PIEZO2: variants seen among roughly 807,000 people sequenced by gnomAD.
PIEZO2 encodes the protein piezo type mechanosensitive ion channel component 2.
PIEZO2 carries 172 observed loss-of-function variants against 337.3 expected under a neutral mutation model. That is an observed-to-expected ratio of 0.51 (90% CI 0.45 to 0.58). PIEZO2 has a LOEUF of 0.58. Ranked by LOEUF, PIEZO2 falls within the 20% of genes least tolerant of loss-of-function variation. The probability of loss-of-function intolerance (pLI) is 0.00; values close to 1 mark genes in which losing one functional copy is unlikely to be tolerated. For missense variants in PIEZO2, 3,028 were observed against 3,391.3 expected (o/e 0.89, Z 2.66); for synonymous variants, 1,251 against 1,228.5 (o/e 1.02, Z -0.38).
chr18:10,890,524 CAGA>C (rs2042724914), intron 4 of PIEZO2: 1 of 152,340 alleles, frequency 6.6e-6, no homozygotes, highest in East Asian at 1.9e-4. Context: ...AAAATCATGG[CAGA>C]AGAAGAAGCA....
chr18:11,148,577 T>A lies in PIEZO2; in HGVS notation c.12A>T (p.Glu4Asp), dbSNP rs2040869213. 2 of 1,537,092 alleles carry A rather than the reference T, an allele frequency of 1.3e-6. No individual in the cohort carries two copies. The highest frequency in any genetic ancestry group is 1.4e-5 in the African/African-American group (1 of 73,160). ...GCCTGAAGATGAGCCCGCACACCAC[T>A]TCTGAGGCCATCGCGTCGGTCCGGC... MASEVVCGLIFRLL... is the reference protein window; with the variant it reads MASDVVCGLIFRLL... Residue 4 changes from glutamate (E) to aspartate (D), a missense_variant, in exon 1 of 56, where the codon GAA becomes GAT. Physicochemically the swap from Glu to Asp is conservative, Grantham distance 45. Transcript: ENST00000674853. The surrounding 1 kb of genome is among the most constrained non-coding windows in gnomAD (Gnocchi z 5.2).
At chr18:10,978,434 A>G (rs1281184330) in intron 3 of PIEZO2, among the ~76,000 whole-genome samples, 2 of 152,208 alleles carry the variant, frequency 1.3e-5, no homozygotes, top group Admixed American at 1.3e-4. Context: ...AATTTTTAGA[A>G]AACAACATAC....
rs12967583 is a variant in PIEZO2, at chr18:11,143,726, G to A, written c.64+4799C>T. ...TAGGAAGGCACTAAGTTGCCTTCCC[G>A]TGAATCCCACATCCTCAGATCAGCC... On this transcript the variant is annotated intron_variant, in intron 1 of 55. Coordinates refer to ENST00000674853, the MANE Select transcript of PIEZO2 (RefSeq NM_001378183.1). The surrounding 1 kb of genome is among the most constrained non-coding windows in gnomAD (Gnocchi z 4.9). Among the ~76,000 whole-genome samples the A allele has an allele frequency of 0.25, 37,037 of 150,516 alleles. 5,282 individuals carry two copies. The highest frequency in any genetic ancestry group is 0.39 in the Middle Eastern group (112 of 290).
At chr18:11,022,563 T>C (rs1306098288) in intron 2 of PIEZO2, among the ~76,000 whole-genome samples, 2 of 152,190 alleles carry the variant, frequency 1.3e-5, no homozygotes, top group African/African-American at 4.8e-5. Flanking sequence ...ACATCCTTGG[T>C]GTCTTCCTCC....
chr18:10,820,383 A>C (rs2040487508), intron 7 of PIEZO2, among the ~76,000 whole-genome samples: 1 of 149,914 alleles, frequency 6.7e-6, no homozygotes, highest in African/African-American at 2.5e-5. Context: ...CTTGTGCTTC[A>C]ATTTGGGTAG....
At position 10,795,319 on chromosome 18, in the gene PIEZO2, T is replaced by G; in HGVS notation, c.1528-317A>C. On this transcript the variant is annotated intron_variant, in intron 12 of 55. Coordinates refer to ENST00000674853, the MANE Select transcript of PIEZO2 (RefSeq NM_001378183.1). This position sits in a 1 kb window ranked among gnomAD's most constrained non-coding sequence, Gnocchi z 4.4. Reference sequence around the variant, plus strand: ...GTAGCAAAATGTGTATTCAAATATTTTATTTTATTTTATTTTATTTTATTT... The same window carrying G: ...GTAGCAAAATGTGTATTCAAATATTGTATTTTATTTTATTTTATTTTATTT... Among the ~76,000 whole-genome samples the G allele has an allele frequency of 7.5e-5, 1 of 13,306 alleles. No individual in the cohort carries two copies. Among genetic ancestry groups the G allele is most frequent in the South Asian group, 2.9e-3 (1 of 348 alleles). The allele number at this position is 13,306 out of a possible 152,430, so 8.7% of individuals were successfully genotyped here. A position where few individuals can be genotyped will look rare whatever the true frequency, so the allele number is the denominator to read the frequency against.
chr18:11,084,196 AAAAGAC>A (rs1288110016), intron 1 of PIEZO2, among the ~76,000 whole-genome samples: 2 of 150,760 alleles, frequency 1.3e-5, no homozygotes, highest in African/African-American at 2.4e-5. Flanking sequence ...AAAAAAAAAA[AAAAGAC>A]AGAGAGAGAG....
chr18:10,833,876 C>T lies in PIEZO2; in HGVS notation c.917+21477G>A, dbSNP rs906750758. ...TGCCCTTGTCAACACAGGCTTGGCC[C>T]TGGACCACATTCCTCCTAATCCTTG... On this transcript the variant is annotated intron_variant, in intron 7 of 55. Transcript: ENST00000674853. This position sits in a 1 kb window ranked among gnomAD's most constrained non-coding sequence, Gnocchi z 4.7. Among the ~76,000 whole-genome samples, 9 of 152,260 alleles carry T rather than the reference C, an allele frequency of 5.9e-5. No individual in the cohort carries two copies. Among genetic ancestry groups the T allele is most frequent in the African/African-American group, 2.2e-4 (9 of 41,464 alleles).
chr18:10,702,093 G>C lies in PIEZO2; in HGVS notation c.6337C>G (p.Pro2113Ala), dbSNP rs2035366096. 6.5e-7 allele frequency: 1 copy of C among 1,536,814 alleles called. No homozygotes were observed. Among genetic ancestry groups the C allele is most frequent in the African/African-American group, 1.4e-5 (1 of 73,006 alleles). ...CCTATGATGTTTGGGGGGTGATACG[G>C]TTTATCTTTGTTCACCTCCACATTC... ...NKNVEVNKDKPYHPPNIIGVE... is the reference protein window; with the variant it reads ...NKNVEVNKDKAYHPPNIIGVE... Residue 2113 changes from proline (P) to alanine (A), a missense_variant, in exon 43 of 56, where the codon CCG becomes GCG. Pro to Ala is a conservative substitution (Grantham distance 27). Coordinates refer to ENST00000674853, the MANE Select transcript of PIEZO2 (RefSeq NM_001378183.1).
intron 2 of PIEZO2, among the ~76,000 whole-genome samples, chr18:11,044,105 T>C (rs928037880): frequency 2.6e-5 from 4 of 151,558 alleles, no homozygotes; most frequent in Non-Finnish European, 5.9e-5. Context: ...AATCCAAAAT[T>C]GAGATAAAAA....
rs544290287 is a variant in PIEZO2 at position 10,813,844 on chromosome 18, T to A, written c.918-6570A>T. On this transcript the variant is annotated intron_variant, in intron 7 of 55. Transcript: ENST00000674853. This position sits in a 1 kb window ranked among gnomAD's most constrained non-coding sequence, Gnocchi z 4.2. ...GAACTGGTATACTGTTTTCCATCAG[T>A]GCTGCCCGATTTTACATTCCCACCA... Among the ~76,000 whole-genome samples the A allele has an allele frequency of 6.6e-6, 1 of 152,340 alleles. No homozygotes were observed. Among genetic ancestry groups the A allele is most frequent in the South Asian group, 2.1e-4 (1 of 4,832 alleles).
Position 10,775,232 on chromosome 18 carries a change from T to C in PIEZO2, c.2535-1194A>G, listed in dbSNP as rs2038742584. On this transcript the variant is annotated intron_variant, in intron 18 of 55. Coordinates refer to ENST00000674853, the MANE Select transcript of PIEZO2 (RefSeq NM_001378183.1). The surrounding 1 kb of genome is among the most constrained non-coding windows in gnomAD (Gnocchi z 4.3). ...GCTAGTCAATTCATCCTCTCGACTT[T>C]GGAGAAGTTAGCTACTCTTAAAATT... 6.6e-6 allele frequency among the ~76,000 whole-genome samples: 1 copy of C among 152,226 alleles called. No homozygotes were observed. Among genetic ancestry groups the C allele is most frequent in the Non-Finnish European group, 1.5e-5 (1 of 68,046 alleles).
At position 10,833,711 on chromosome 18, in the gene PIEZO2, A is replaced by T. The variant is rs1323641053; in HGVS notation, c.917+21642T>A. Among the ~76,000 whole-genome samples, 1 of 152,158 alleles carries T rather than the reference A, an allele frequency of 6.6e-6. No homozygotes were observed. Among genetic ancestry groups the T allele is most frequent in the Non-Finnish European group, 1.5e-5 (1 of 68,018 alleles). On this transcript the variant is annotated intron_variant, in intron 7 of 55. Coordinates refer to ENST00000674853, the MANE Select transcript of PIEZO2 (RefSeq NM_001378183.1). The surrounding 1 kb of genome is among the most constrained non-coding windows in gnomAD (Gnocchi z 4.7). ...GCTTCTCATATCTCTCTGGAGAGAC[A>T]CTTTCTTCTTTCTAGTCAGCTTTGG...
chr18:10,849,016 CTTTT>C (rs200983956), intron 7 of PIEZO2, among the ~76,000 whole-genome samples: 5 of 151,792 alleles, frequency 3.3e-5, no homozygotes, highest in African/African-American at 1.2e-4. Flanking sequence ...CCAAGGATTC[CTTTT>C]TTTTGAGACA....
rs2037509063 is a variant in PIEZO2 at position 10,748,358 on chromosome 18, G to T, written c.4424+113C>A. On this transcript the variant is annotated intron_variant, in intron 30 of 55. Transcript: ENST00000674853. This position sits in a 1 kb window ranked among gnomAD's most constrained non-coding sequence, Gnocchi z 5.1. Reference sequence around the variant, plus strand: ...TTCTTGGATTGGTTTTGCTGGAAGGGATTTCTTAACTTCTTGTGGGTTCTA... The same window carrying T: ...TTCTTGGATTGGTTTTGCTGGAAGGTATTTCTTAACTTCTTGTGGGTTCTA... 25 of 1,057,092 alleles carry T rather than the reference G, an allele frequency of 2.4e-5. No homozygotes were observed. The highest frequency in any genetic ancestry group is 3.4e-5 in the Non-Finnish European group (25 of 744,504). 65.5% of individuals were successfully genotyped at this position (1,057,092 alleles called of 1,614,324 possible).
In PIEZO2 at chr18:10,697,899, C is replaced by CATA; in HGVS notation, c.6695-22_6695-20dup. ...GTGCTGCCTAGAAATAAAAAGAGAT[C>CATA]ATAAGATGGGTGGTGGAGCCTGGGG... On this transcript the variant is annotated intron_variant, in intron 44 of 55. Coordinates refer to ENST00000674853, the MANE Select transcript of PIEZO2 (RefSeq NM_001378183.1). 6.3e-7 allele frequency: 1 copy of CATA among 1,595,130 alleles called. No homozygotes were observed. The highest frequency in any genetic ancestry group is 8.6e-7 in the Non-Finnish European group (1 of 1,168,958).
At chr18:11,079,067 A>G (rs1255520338) in intron 1 of PIEZO2, among the ~76,000 whole-genome samples, 3 of 152,188 alleles carry the variant, frequency 2.0e-5, no homozygotes, top group African/African-American at 7.2e-5. Flanking sequence ...TGAGCTCACT[A>G]TAGGTGTTTC....
intron 1 of PIEZO2, among the ~76,000 whole-genome samples, chr18:11,124,867 C>A (rs2040137850): frequency 6.6e-6 from 1 of 152,138 alleles, no homozygotes. Context: ...ATCATTCTGG[C>A]AGAAATGGAG....
At chr18:11,093,620 T>C (rs908144618) in intron 1 of PIEZO2, among the ~76,000 whole-genome samples, 14 of 127,776 alleles carry the variant, frequency 1.1e-4, no homozygotes, top group Non-Finnish European at 2.0e-4. Flanking sequence ...GGAGTCTCGC[T>C]CTGTCGCCCA....
Sources: gnomAD v4.1 joint callset for allele counts (sites outside exome capture counted in the v4.1 genomes callset) on GRCh38, gnomAD v4.1.1 for gene constraint, Gnocchi (gnomAD v3.1) non-coding constraint, MANE v1.5 for transcripts, NCBI Gene and HGNC (gene_info 2026-07-23, HGNC 2026-07-21) for gene names.